The following ZNF675 variants were observed in gnomAD, a reference collection of about 807,000 sequenced individuals.
ZNF675 encodes the protein zinc finger protein 675.
A neutral mutation model predicts 56.1 loss-of-function variants in ZNF675; 36 were observed. That is an observed-to-expected ratio of 0.64 (90% confidence interval 0.49 to 0.85). The LOEUF (loss-of-function observed/expected upper bound fraction) is 0.85, where lower values mean the gene tolerates loss of function less well. ZNF675 is among the 40% of genes least tolerant of loss of function. The pLI is 0.00. For missense variants in ZNF675, 663 were observed against 654.2 expected, an observed-to-expected ratio of 1.01 and a Z score of -0.15; for synonymous variants, 200 against 218.9, an observed-to-expected ratio of 0.91 and a Z score of 0.76.
intron 1 of ZNF675, among the ~76,000 whole-genome samples, chr19:23,679,309 T>C (rs1233812169): frequency 6.6e-6 from 1 of 151,770 alleles, no homozygotes; most frequent in Non-Finnish European, 1.5e-5. Context: ...ATTTAATAAA[T>C]GGTGCAGTAA....
At chr19:23,680,075 T>C (rs891146852) in intron 1 of ZNF675, among the ~76,000 whole-genome samples, 3 of 149,380 alleles carry the variant, frequency 2.0e-5, no homozygotes, top group African/African-American at 7.5e-5. Context: ...TTGGGAGGCC[T>C]AGGCGGGCAG....
At chr19:23,658,898 GAT>G (rs1443275026) in intron 3 of ZNF675, among the ~76,000 whole-genome samples, 787 of 5,748 alleles carry the variant, frequency 0.14, 27 homozygotes, top group Non-Finnish European at 0.2. Flanking sequence ...TAGATCTATA[GAT>G]ATCTATAGAT....
intron 1 of ZNF675, among the ~76,000 whole-genome samples, chr19:23,666,520 G>A (rs983946719): frequency 3.3e-5 from 5 of 152,064 alleles, no homozygotes; most frequent in East Asian, 1.9e-4. Context: ...GCCATTGTTC[G>A]GGCCCACTTT....
intron 3 of ZNF675, among the ~76,000 whole-genome samples, chr19:23,659,430 G>A (rs920523732): frequency 1.3e-5 from 2 of 152,078 alleles, no homozygotes; most frequent in African/African-American, 2.4e-5. Context: ...AGATTGCCAG[G>A]CATCATGGCT....
intron 1 of ZNF675, among the ~76,000 whole-genome samples, chr19:23,666,769 TCTC>T (rs1968155916): frequency 1.0e-5 from 1 of 98,974 alleles, no homozygotes; most frequent in African/African-American, 3.1e-5. Flanking sequence ...GAAGTCTTTC[TCTC>T]TTTTTCTCTT....
chr19:23,665,343 C>CAAA (rs112939315), intron 1 of ZNF675, among the ~76,000 whole-genome samples: 71,887 of 145,662 alleles, frequency 0.49, 19,427 homozygotes, highest in Non-Finnish European at 0.62. Context: ...GACCCCACCT[C>CAAA]AAAAAAAAAA....
In ZNF675 at chr19:23,653,152, T is replaced by C. The variant is rs1367638670; in HGVS notation, c.*74A>G. The C allele has an allele frequency of 3.0e-6, 4 of 1,355,782 alleles. No individual in the cohort carries two copies. Among genetic ancestry groups the C allele is most frequent in the South Asian group, 1.5e-5 (1 of 67,950 alleles). The allele number at this position is 1,355,782 out of a possible 1,614,324, so 84.0% of individuals were successfully genotyped here. A position where few individuals can be genotyped will look rare whatever the true frequency, so the allele number is the denominator to read the frequency against. On this transcript the variant is annotated 3_prime_UTR_variant, in exon 4 of 4. Transcript: ENST00000359788. ...CATTTAAAGTCTTTGACACATTCTT[T>C]ACATTTCTAGAATTTTTCACCAGTA...
intron 1 of ZNF675, among the ~76,000 whole-genome samples, chr19:23,676,977 G>C (rs942404399): frequency 4.0e-5 from 6 of 148,694 alleles, no homozygotes; most frequent in Admixed American, 6.6e-5. Flanking sequence ...GGGAGGCTGA[G>C]GCAAGAGAAT....
chr19:23,657,588 A>G (rs572922424), intron 3 of ZNF675, among the ~76,000 whole-genome samples: 11 of 152,256 alleles, frequency 7.2e-5, no homozygotes, highest in African/African-American at 1.4e-4. Context: ...GTGGTGGCGC[A>G]TGCCTGTAAT....
At chr19:23,679,988 A>ACC (rs879598744) in intron 1 of ZNF675, among the ~76,000 whole-genome samples, 5 of 137,386 alleles carry the variant, frequency 3.6e-5, no homozygotes, top group African/African-American at 8.2e-5. Flanking sequence ...GAGACTCCGT[A>ACC]CCCCCCCCCA....
intron 1 of ZNF675, among the ~76,000 whole-genome samples, chr19:23,678,012 C>T (rs888648444): frequency 2.0e-5 from 3 of 151,416 alleles, no homozygotes; most frequent in African/African-American, 7.3e-5. Context: ...CCCAGCTACT[C>T]GCGAGTCTGA....
intron 1 of ZNF675, among the ~76,000 whole-genome samples, chr19:23,669,225 C>A (rs1385721538): frequency 2.0e-5 from 3 of 152,226 alleles, no homozygotes; most frequent in African/African-American, 4.8e-5. Flanking sequence ...GCCTGTCCTG[C>A]CCAGAAGGGG....
Position 23,653,689 on chromosome 19 carries a change from T to C in ZNF675, c.1244A>G (p.Lys415Arg), listed in dbSNP as rs537901406. Residue 415 changes from lysine to arginine, a missense_variant, in exon 4 of 4, where the codon AAG becomes AGG. Lys to Arg is a conservative substitution (Grantham distance 26). Around this residue, in one of 3 missense-constraint regions of ZNF675, gnomAD observed 617 missense variants for 590.5 expected, o/e 1.04. Transcript: ENST00000359788. Reference protein sequence around the residue: ...FKHSSALTTHKRIHTGEKPYK... With the variant: ...FKHSSALTTHRRIHTGEKPYK... ...GGGTTTCTCTCCAGTGTGAATTCTC[T>C]TATGTGTAGTAAGGGCTGAGGAGTG... 115 of 1,613,870 alleles carry C rather than the reference T, an allele frequency of 7.1e-5. 4 individuals are homozygous for C. In the South Asian group the frequency reaches 1.2e-3, roughly 17 times the overall value.
At chr19:23,671,881 C>T (rs73015827) in intron 1 of ZNF675, among the ~76,000 whole-genome samples, 9,538 of 152,048 alleles carry the variant, frequency 0.063, 391 homozygotes, top group Non-Finnish European at 0.098. Flanking sequence ...ATCTGAGTAC[C>T]AACCAAAGAC....
At chr19:23,673,384 A>C (rs1474213542) in intron 1 of ZNF675, among the ~76,000 whole-genome samples, 2 of 152,192 alleles carry the variant, frequency 1.3e-5, no homozygotes, top group Admixed American at 6.5e-5. Flanking sequence ...TGAAGATACA[A>C]GAGTAATTGA....
Position 23,653,279 on chromosome 19 carries a change from T to A in ZNF675, c.1654A>T (p.Thr552Ser). Residue 552 changes from threonine to serine, a missense_variant, in exon 4 of 4, where the codon ACT becomes TCT. Transcript: ENST00000359788. The stretch of plus-strand genomic sequence containing the variant: ...CCAGTATGTATTTTTTTATGTTTAG[T>A]AAGGTTTGCAGATTGGTTAAAAGCT... ...DKAFNQSANL[T>S]KHKKIHTGEK... The A allele has an allele frequency of 6.2e-7, 1 of 1,612,690 alleles. No individual in the cohort carries two copies. The highest frequency in any genetic ancestry group is 8.5e-7 in the Non-Finnish European group (1 of 1,179,414).
At chr19:23,658,885 A>ATATATC (rs1968032945) in intron 3 of ZNF675, among the ~76,000 whole-genome samples, 1 of 48,372 alleles carries the variant, frequency 2.1e-5, no homozygotes, top group African/African-American at 5.8e-5. Flanking sequence ...ATATCTATAG[A>ATATATC]TATAGATCTA....
chr19:23,668,951 T>C (rs1968193295), intron 1 of ZNF675, among the ~76,000 whole-genome samples: 1 of 152,174 alleles, frequency 6.6e-6, no homozygotes, highest in Non-Finnish European at 1.5e-5. Context: ...GCTCCGGCCT[T>C]GGCCAGCCCA....
Position 23,663,303 on chromosome 19 carries a change from C to T in ZNF675, c.4-145G>A. ...ATCCAATAAAATCATATTTTTTACA[C>T]AGAAATATTTCCTAATGTGTTCTCT... On this transcript the variant is annotated intron_variant, in intron 1 of 3. Coordinates refer to ENST00000359788, the MANE Select transcript of ZNF675 (RefSeq NM_138330.3). 4.6e-6 allele frequency: 5 copies of T among 1,085,912 alleles called. 1 individual carries two copies. The highest frequency in any genetic ancestry group is 3.1e-5 in the South Asian group (2 of 65,044). The allele number at this position is 1,085,912 out of a possible 1,614,324, so 67.3% of individuals were successfully genotyped here. A position where few individuals can be genotyped will look rare whatever the true frequency, so the allele number is the denominator to read the frequency against.
Sources: allele counts gnomAD v4.1 joint callset (sites outside exome capture counted in the v4.1 genomes callset), GRCh38; gene constraint gnomAD v4.1.1; regional missense constraint gnomAD v4.1.1; transcripts MANE v1.5; gene names NCBI Gene and HGNC (gene_info 2026-07-23, HGNC 2026-07-21).